The following CTBP1 variants were observed in gnomAD, a reference collection of about 807,000 sequenced individuals.
The protein encoded by CTBP1 is C-terminal binding protein 1.
Under a neutral mutation model 42.1 loss-of-function variants are expected in CTBP1, and 11 were observed. The observed-to-expected ratio is 0.26, with a 90% CI of 0.16 to 0.43. CTBP1 has a LOEUF of 0.43. Among genes scored for constraint, CTBP1 ranks in the 20% least tolerant of loss-of-function variants. The pLI is 1.00. For synonymous variants in CTBP1, 324 were observed against 277.1 expected, an observed-to-expected ratio of 1.17 and a Z score of -1.68; for missense variants, 399 against 624.3, an observed-to-expected ratio of 0.64 and a Z score of 3.85.
In CTBP1 at chr4:1,238,431, G is replaced by A. The variant is rs563411186; in HGVS notation, c.8-94C>T. The A allele has an allele frequency of 1.8e-4, 259 of 1,425,542 alleles. 1 individual carries two copies. In the South Asian group the frequency reaches 3.5e-3, roughly 19 times the overall value. The allele number at this position is 1,425,542 out of a possible 1,614,324, so 88.3% of individuals were successfully genotyped here. A position where few individuals can be genotyped will look rare whatever the true frequency, so the allele number is the denominator to read the frequency against. On this transcript the variant is annotated intron_variant, in intron 2 of 9. Transcript: ENST00000382952. This position sits in a 1 kb window ranked among gnomAD's most constrained non-coding sequence, Gnocchi z 5.9. ...ACCCACTGTGCACGGGCCAACGAGG[G>A]CCGACCGCCGGGGGTTTTCTGGTCT...
chr4:1,226,095 T>C (rs1414664815), intron 4 of CTBP1, among the ~76,000 whole-genome samples: 1 of 151,734 alleles, frequency 6.6e-6, no homozygotes, highest in African/African-American at 2.4e-5. Context: ...TCGGTAACAC[T>C]GAAGCTGGAG....
At chr4:1,247,771 G>C (rs959766540) in intron 1 of CTBP1, among the ~76,000 whole-genome samples, 1 of 146,546 alleles carries the variant, frequency 6.8e-6, no homozygotes, top group African/African-American at 2.5e-5. Flanking sequence ...CCGGGGAGGG[G>C]GGGGGGGCTC....
chr4:1,241,371 C>T lies in CTBP1; in HGVS notation c.-40G>A. The T allele has an allele frequency of 9.1e-7, 1 of 1,093,232 alleles. No individual in the cohort carries two copies. Among genetic ancestry groups the T allele is most frequent in the Non-Finnish European group, 1.4e-6 (1 of 703,764 alleles). 67.7% of individuals were successfully genotyped at this position (1,093,232 alleles called of 1,614,324 possible). On this transcript the variant is annotated 5_prime_UTR_variant, in exon 2 of 10. Transcript: ENST00000382952. ...TCAGCTTCCACGACCATGAATTCGA[C>T]TTTTCAAAGCTTTTTATCTTCAGGA...
chr4:1,241,743 G>A, intron 1 of CTBP1: 1 of 1,198,864 alleles, frequency 8.3e-7, no homozygotes, highest in African/African-American at 1.6e-5. Context: ...CAGGCCCGAG[G>A]CCGCGCCCCT....
chr4:1,225,713 G>A, intron 4 of CTBP1, 147 bp from the exon 5 acceptor site: 2 of 808,110 alleles, frequency 2.5e-6, no homozygotes, highest in Non-Finnish European at 3.8e-6. Context: ...GAGGCCACGA[G>A]ATGAACACGT....
At chr4:1,241,072 G>C (rs528760672) in intron 2 of CTBP1, among the ~76,000 whole-genome samples, 60 of 152,280 alleles carry the variant, frequency 3.9e-4, no homozygotes, top group Admixed American at 2.9e-3. Flanking sequence ...GACACTTTCC[G>C]ACAGAAACAG....
intron 3 of CTBP1, among the ~76,000 whole-genome samples, chr4:1,229,413 C>T (rs942297813): frequency 2.6e-5 from 4 of 152,240 alleles, no homozygotes; most frequent in Non-Finnish European, 4.4e-5. Flanking sequence ...ATGCAGGCCT[C>T]GTCCACATGG....
rs1194999926 is a variant in CTBP1, at chr4:1,233,938, C to T, written c.162+4245G>A. On this transcript the variant is annotated intron_variant, in intron 3 of 9. Transcript: ENST00000382952. This position sits in a 1 kb window ranked among gnomAD's most constrained non-coding sequence, Gnocchi z 4.6. ...TGCGGCCCCGCTGCCCTCTCCACAG[C>T]CACGAGGGTCCCTGCCTCCTGCCTT... Among the ~76,000 whole-genome samples the T allele has an allele frequency of 6.6e-6, 1 of 152,256 alleles. No homozygotes were observed. The highest frequency in any genetic ancestry group is 6.5e-5 in the Admixed American group (1 of 15,284).
At chr4:1,243,051 C>A (rs1019249737) in intron 1 of CTBP1, 2 of 985,408 alleles carry the variant, frequency 2.0e-6, no homozygotes, top group Non-Finnish European at 2.4e-6. Flanking sequence ...CTCATTGATA[C>A]CGGCTGATAC....
intron 6 of CTBP1, among the ~76,000 whole-genome samples, chr4:1,214,918 T>C (rs1374223022): frequency 1.3e-5 from 2 of 152,276 alleles, no homozygotes; most frequent in African/African-American, 2.4e-5. Context: ...CAGCGGGGCC[T>C]GCAGCAGAGC....
intron 1 of CTBP1, chr4:1,241,841 C>G: frequency 3.5e-6 from 4 of 1,155,520 alleles, no homozygotes; most frequent in Non-Finnish European, 4.3e-6. Context: ...TCCCCAGTGT[C>G]CAAGAACCAG....
intron 1 of CTBP1, chr4:1,242,977 C>T (rs373391239): frequency 8.9e-5 from 88 of 985,172 alleles, no homozygotes; most frequent in African/African-American, 8.7e-4. Flanking sequence ...CAACGCCAAC[C>T]GATACTCATC....
At chr4:1,242,859 C>G in intron 1 of CTBP1, 1 of 985,436 alleles carries the variant, frequency 1.0e-6, no homozygotes, top group East Asian at 1.1e-4. Flanking sequence ...ACGAGCCAGC[C>G]TGGCCAGGGG....
rs144307349 is a variant in CTBP1 at position 1,243,905 on chromosome 4, G to A, written c.-188-2386C>T. Reference sequence around the variant, plus strand: ...GTCTCCAGCTTCTCACCCTGCAGACGCTTAACCTCATGTTGTAAGAAAGCA... The same window carrying A: ...GTCTCCAGCTTCTCACCCTGCAGACACTTAACCTCATGTTGTAAGAAAGCA... On this transcript the variant is annotated intron_variant, in intron 1 of 9. Transcript: ENST00000382952. The A allele has an allele frequency of 2.4e-4, 235 of 985,456 alleles. 5 individuals are homozygous for A. In the East Asian group the frequency reaches 0.012, roughly 51 times the overall value. The allele number at this position is 985,456 out of a possible 1,614,324, so 61.0% of individuals were successfully genotyped here.
At chr4:1,234,618 A>C (rs376557201) in intron 3 of CTBP1, 3 of 152,228 alleles carry the variant, frequency 2.0e-5, no homozygotes, top group African/African-American at 7.2e-5. Flanking sequence ...TTTTAGAAAA[A>C]CATCTGTTTT....
At chr4:1,237,822 C>T (rs543079461) in intron 3 of CTBP1, 22 of 695,972 alleles carry the variant, frequency 3.2e-5, no homozygotes, top group Middle Eastern at 2.3e-4. Context: ...AACGAGTGTC[C>T]ACCTCCTGAT....
rs562594331 is a variant in CTBP1 at position 1,245,275 on chromosome 4, C to A, written c.-189+3641G>T. The A allele has an allele frequency of 5.1e-6, 5 of 985,426 alleles. No homozygotes were observed. In the South Asian group the frequency reaches 2.3e-4, roughly 46 times the overall value. 61.0% of individuals were successfully genotyped at this position (985,426 alleles called of 1,614,324 possible). On this transcript the variant is annotated intron_variant, in intron 1 of 9. Coordinates refer to ENST00000382952, the MANE Select transcript of CTBP1 (RefSeq NM_001012614.2). ...GCTGTGATCAAAGGCATGGATTTGC[C>A]AGCAAGATTCCTCTCCAGGACATCC... is the stretch of plus-strand genomic sequence containing the variant.
chr4:1,234,397 C>T (rs1051246134), intron 3 of CTBP1, among the ~76,000 whole-genome samples: 18 of 152,206 alleles, frequency 1.2e-4, no homozygotes, highest in African/African-American at 4.3e-4. Flanking sequence ...GATGCCAGGA[C>T]GGTTCCCAAC....
In CTBP1 at chr4:1,235,505, T is replaced by G. The variant is rs374562796; in HGVS notation, c.162+2678A>C. 2.0e-4 allele frequency: 31 copies of G among 152,304 alleles called. 1 individual carries two copies. Among genetic ancestry groups the G allele is most frequent in the Admixed American group, 1.3e-3 (20 of 15,296 alleles). 9.4% of individuals were successfully genotyped at this position (152,304 alleles called of 1,614,324 possible). On this transcript the variant is annotated intron_variant, in intron 3 of 9. Coordinates refer to ENST00000382952, the MANE Select transcript of CTBP1 (RefSeq NM_001012614.2). This position sits in a 1 kb window ranked among gnomAD's most constrained non-coding sequence, Gnocchi z 4.2. ...CCCTCTCCCGCGTTCTCTCCTTCCCTCCTGTCCGCTGCCGCCTGGTCAGCT... is the reference window on the plus strand; with the variant it reads ...CCCTCTCCCGCGTTCTCTCCTTCCCGCCTGTCCGCTGCCGCCTGGTCAGCT...
Sources: allele counts gnomAD v4.1 joint callset (sites outside exome capture counted in the v4.1 genomes callset), GRCh38; gene constraint gnomAD v4.1.1; non-coding constraint Gnocchi (gnomAD v3.1); transcripts MANE v1.5; gene names NCBI Gene and HGNC (gene_info 2026-07-23, HGNC 2026-07-21).